The following BTC variants were observed in gnomAD, a reference collection of about 807,000 sequenced individuals.
BTC encodes the protein betacellulin, also known as probetacellulin.
BTC carries 13 observed loss-of-function variants against 18.1 expected under a neutral mutation model. The observed-to-expected ratio is 0.72, with a 90% CI of 0.47 to 1.14. The LOEUF (loss-of-function observed/expected upper bound fraction) is 1.14. Among genes scored for constraint, BTC ranks in the 50% most tolerant of loss-of-function variants. The pLI is 0.00. For missense variants in BTC, 247 were observed against 224.2 expected (o/e 1.10, Z -0.65); for synonymous variants, 83 against 79.4 (o/e 1.05, Z -0.24).
chr4:74,746,116 G>A lies in BTC; in HGVS notation c.*561C>T, dbSNP rs1477305159. Reference sequence around the variant, plus strand: ...AGACTAACAAAAATGATGGTTAAGAGCATAGATTTTGATTTAGATAAATCT... The same window carrying A: ...AGACTAACAAAAATGATGGTTAAGAACATAGATTTTGATTTAGATAAATCT... On this transcript the variant is annotated 3_prime_UTR_variant, in exon 6 of 6. Transcript: ENST00000395743. 2.6e-5 allele frequency: 4 copies of A among 152,148 alleles called. No individual in the cohort carries two copies. The highest frequency in any genetic ancestry group is 1.3e-4 in the Admixed American group (2 of 15,274). 9.4% of individuals were successfully genotyped at this position (152,148 alleles called of 1,614,324 possible).
chr4:74,787,730 T>C (rs1725517978), intron 1 of BTC, among the ~76,000 whole-genome samples: 1 of 152,224 alleles, frequency 6.6e-6, no homozygotes, highest in South Asian at 2.1e-4. Context: ...GTTCTAGGCA[T>C]ATACTATGTT....
rs1431672682 is a variant in BTC, at chr4:74,768,979, T to G, written c.163+1079A>C. Among the ~76,000 whole-genome samples, 6 of 152,088 alleles carry G rather than the reference T, an allele frequency of 3.9e-5. No individual in the cohort carries two copies. The East Asian group carries it at 1.2e-3, about 29-fold the overall frequency. On this transcript the variant is annotated intron_variant, in intron 2 of 5. Coordinates refer to ENST00000395743, the MANE Select transcript of BTC (RefSeq NM_001729.4). ...AACATGACCTAAGACACCATTAGAT[T>G]TTACAGCCGATGAGCACCTTCTGAC... is the stretch of plus-strand genomic sequence containing the variant.
intron 4 of BTC, among the ~76,000 whole-genome samples, chr4:74,749,086 G>A (rs557437067): frequency 2.6e-4 from 39 of 152,280 alleles, no homozygotes; most frequent in Non-Finnish European, 4.6e-4. Context: ...TAGTTGTTAA[G>A]AAATTTACCC....
rs150983233 is a variant in BTC, at chr4:74,755,064, A to T, written c.281+795T>A. Among the ~76,000 whole-genome samples the T allele has an allele frequency of 3.8e-3, 583 of 152,078 alleles. 4 individuals carry two copies. The highest frequency in any genetic ancestry group is 0.013 in the African/African-American group (536 of 41,496). On this transcript the variant is annotated intron_variant, in intron 3 of 5. Coordinates refer to ENST00000395743, the MANE Select transcript of BTC (RefSeq NM_001729.4). ...TTCCTTTTTAAATTAAATATATTTA[A>T]GTTTTTAAAAAGTTCATGACCCTTA... is the stretch of plus-strand genomic sequence containing the variant.
chr4:74,749,798 T>C (rs1472237351), intron 4 of BTC, among the ~76,000 whole-genome samples: 1 of 145,630 alleles, frequency 6.9e-6, no homozygotes, highest in Non-Finnish European at 1.5e-5. Context: ...ACTAATTTAA[T>C]TAAGAATTGT....
chr4:74,750,236 A>G (rs192736054), intron 4 of BTC, among the ~76,000 whole-genome samples: 20 of 152,312 alleles, frequency 1.3e-4, no homozygotes, highest in Middle Eastern at 3.4e-3. Flanking sequence ...TTACACATAA[A>G]GTTTATTATT....
chr4:74,773,314 C>G (rs1454673891), intron 1 of BTC, among the ~76,000 whole-genome samples: 1 of 152,134 alleles, frequency 6.6e-6, no homozygotes, highest in Admixed American at 6.6e-5. Context: ...CTTTAAGTGT[C>G]CCAGAACCCA....
chr4:74,763,810 A>G (rs187520773), intron 2 of BTC, among the ~76,000 whole-genome samples: 208 of 152,258 alleles, frequency 1.4e-3, no homozygotes, highest in Admixed American at 2.9e-3. Context: ...TATAATTAAC[A>G]ATAATTTACT....
At chr4:74,756,882 C>A (rs992207068) in intron 2 of BTC, among the ~76,000 whole-genome samples, 1 of 152,178 alleles carries the variant, frequency 6.6e-6, no homozygotes, top group Admixed American at 6.5e-5. Flanking sequence ...AGCCATTTCC[C>A]CATCACCGAC....
At chr4:74,794,154 C>A in intron 1 of BTC, 108 bp downstream of exon 1, 1 of 1,412,162 alleles carries the variant, frequency 7.1e-7, no homozygotes, top group South Asian at 1.3e-5. Context: ...CCTGCCAGCC[C>A]CAGCGCGCCC....
chr4:74,782,468 T>C (rs914282774), intron 1 of BTC, among the ~76,000 whole-genome samples: 1 of 152,240 alleles, frequency 6.6e-6, no homozygotes, highest in African/African-American at 2.4e-5. Context: ...TTCCGTGTTG[T>C]ATATGTACCA....
At chr4:74,769,791 C>T (rs957122636) in intron 2 of BTC, among the ~76,000 whole-genome samples, 1 of 152,092 alleles carries the variant, frequency 6.6e-6, no homozygotes, top group African/African-American at 2.4e-5. Context: ...TCAGAAAGAC[C>T]TGCATTTGAA....
intron 3 of BTC, among the ~76,000 whole-genome samples, chr4:74,754,044 G>A (rs1323269628): frequency 6.6e-6 from 1 of 152,130 alleles, no homozygotes; most frequent in Non-Finnish European, 1.5e-5. Context: ...GCTCAGAAAA[G>A]GTAACTGACC....
chr4:74,760,251 T>C (rs1196196684), intron 2 of BTC, among the ~76,000 whole-genome samples: 7 of 152,190 alleles, frequency 4.6e-5, no homozygotes, highest in Non-Finnish European at 8.8e-5. Flanking sequence ...TAAATCTCTA[T>C]GTACAAATGT....
At chr4:74,789,070 T>G (rs1263779353) in intron 1 of BTC, among the ~76,000 whole-genome samples, 1 of 152,236 alleles carries the variant, frequency 6.6e-6, no homozygotes, top group Non-Finnish European at 1.5e-5. Context: ...TAGAAGGACT[T>G]CCTGGACTAT....
chr4:74,752,326 G>A (rs1221417553), intron 3 of BTC, among the ~76,000 whole-genome samples: 2 of 151,346 alleles, frequency 1.3e-5, no homozygotes, highest in African/African-American at 4.9e-5. Context: ...GAAATATCTT[G>A]AGATATCAAA....
At chr4:74,756,627 A>G (rs1553956730) in intron 2 of BTC, among the ~76,000 whole-genome samples, 1 of 152,196 alleles carries the variant, frequency 6.6e-6, no homozygotes, top group African/African-American at 2.4e-5. Context: ...GCATTTGTTG[A>G]GCCAGCTGCT....
intron 2 of BTC, among the ~76,000 whole-genome samples, chr4:74,756,782 AT>A (rs1553956752): frequency 6.6e-6 from 1 of 152,170 alleles, no homozygotes; most frequent in Admixed American, 6.5e-5. Context: ...CATGCTCTGG[AT>A]TTCATTCCTG....
intron 1 of BTC, among the ~76,000 whole-genome samples, chr4:74,770,392 G>C (rs1055208204): frequency 1.3e-5 from 2 of 152,164 alleles, no homozygotes; most frequent in African/African-American, 4.8e-5. Flanking sequence ...TGGATCTTAA[G>C]GAGGAAACTT....
Sources: allele counts gnomAD v4.1 joint callset (sites outside exome capture counted in the v4.1 genomes callset), GRCh38; gene constraint gnomAD v4.1.1; transcripts MANE v1.5; gene names NCBI Gene and HGNC (gene_info 2026-07-23, HGNC 2026-07-21).